Variants in SNCG observed in about 807,000 individuals in gnomAD.
SNCG encodes the protein gamma-synuclein.
A neutral mutation model predicts 16.0 loss-of-function variants in SNCG; 13 were observed. That is an observed-to-expected ratio of 0.81 (90% CI 0.53 to 1.29). The LOEUF (loss-of-function observed/expected upper bound fraction) is 1.29, where lower values mean the gene tolerates loss of function less well. Among genes scored for constraint, SNCG ranks in the 50% most tolerant of loss-of-function variants. The probability of loss-of-function intolerance (pLI) is 0.00; values close to 1 mark genes in which losing one functional copy is unlikely to be tolerated. For missense variants in SNCG, 154 were observed against 168.5 expected, an observed-to-expected ratio of 0.91 and a Z score of 0.48; for synonymous variants, 66 against 66.3, an observed-to-expected ratio of 1.00 and a Z score of 0.02.
chr10:86,962,462 C>T, intron 3 of SNCG, 142 bp from the exon 4 acceptor site: 1 of 592,588 alleles, frequency 1.7e-6, no homozygotes, highest in Non-Finnish European at 3.1e-6. Flanking sequence ...GCCCCCAATA[C>T]CTCCAGCCCC....
intron 4 of SNCG, 53 bp from the exon 5 acceptor site, chr10:86,962,912 G>C: frequency 6.4e-7 from 1 of 1,573,762 alleles, no homozygotes; most frequent in South Asian, 1.2e-5. Flanking sequence ...ACTCAGGGTG[G>C]CCCATTAAGG....
At chr10:86,960,968 CCT>C (rs1223223430) in intron 3 of SNCG, among the ~76,000 whole-genome samples, 5 of 152,198 alleles carry the variant, frequency 3.3e-5, no homozygotes, top group Non-Finnish European at 5.9e-5. Context: ...TTGGAATTCC[CCT>C]GAGCAGCCTG....
chr10:86,955,897 C>A (rs899738153), upstream of SNCG, among the ~76,000 whole-genome samples: 1 of 152,148 alleles, frequency 6.6e-6, no homozygotes, highest in African/African-American at 2.4e-5. Context: ...AGAAGGACTG[C>A]GGGGCCCCTG....
At chr10:86,956,999 C>T (rs548324443), upstream of SNCG, among the ~76,000 whole-genome samples, 2 of 152,190 alleles carry the variant, frequency 1.3e-5, no homozygotes, top group East Asian at 3.8e-4. Context: ...AATCTCAGGG[C>T]AGCCTTGCTG....
chr10:86,957,661 G>A (rs1175180339), upstream of SNCG: 2 of 1,406,410 alleles, frequency 1.4e-6, no homozygotes, highest in African/African-American at 2.9e-5. Flanking sequence ...ACAACAAAGA[G>A]AGGAAGTGGC....
At chr10:86,960,187 C>G (rs573978168) in intron 3 of SNCG, 59 bp downstream of exon 3, 9 of 1,529,172 alleles carry the variant, frequency 5.9e-6, no homozygotes, top group Non-Finnish European at 6.2e-6. Context: ...GGCTGCTGGG[C>G]GGAGGCGGCA....
chr10:86,958,502 CCCT>C, upstream of SNCG: 1 of 504,822 alleles, frequency 2.0e-6, no homozygotes, highest in Non-Finnish European at 3.1e-6. Flanking sequence ...CTCCTTCCCT[CCCT>C]CCCTCCCTCC....
chr10:86,963,092 G>A lies in SNCG; in HGVS notation c.*107G>A, dbSNP rs1183653384. On this transcript the variant is annotated 3_prime_UTR_variant, in exon 5 of 5. Transcript: ENST00000372017. The stretch of plus-strand genomic sequence containing the variant: ...CCTTGAGTGACATGCGGCTGCCCAC[G>A]CTCCTGCCCTCGTCTCCCTGGCCAC... 27 of 1,189,546 alleles carry A rather than the reference G, an allele frequency of 2.3e-5. No individual in the cohort carries two copies. The highest frequency in any genetic ancestry group is 3.1e-5 in the African/African-American group (2 of 65,254). 73.7% of individuals were successfully genotyped at this position (1,189,546 alleles called of 1,614,324 possible).
upstream of SNCG, among the ~76,000 whole-genome samples, chr10:86,957,156 A>G (rs1044223556): frequency 6.6e-6 from 1 of 152,172 alleles, no homozygotes; most frequent in Admixed American, 6.5e-5. Context: ...CCCAAGCCCC[A>G]TTCCCTGCCA....
At chr10:86,958,039 A>G (rs1001473450), upstream of SNCG, 26 of 985,312 alleles carry the variant, frequency 2.6e-5, no homozygotes, top group African/African-American at 3.8e-4. Flanking sequence ...GCATGCAGCC[A>G]GAGGCCAAGG....
upstream of SNCG, chr10:86,957,355 T>A: frequency 6.2e-7 from 1 of 1,611,666 alleles, no homozygotes; most frequent in Non-Finnish European, 8.5e-7. Context: ...CCATGACCTC[T>A]GCCAAGGTCC....
At chr10:86,961,661 T>C (rs996603881) in intron 3 of SNCG, among the ~76,000 whole-genome samples, 8 of 152,062 alleles carry the variant, frequency 5.3e-5, no homozygotes. Flanking sequence ...CAGTGAACTG[T>C]GAAAGGCCTC....
rs74150417 is a variant in SNCG at position 86,958,727 on chromosome 10, C to A, written c.30C>A (p.Ile10=). 4,301 of 1,614,044 alleles carry A rather than the reference C, an allele frequency of 2.7e-3. 82 individuals carry two copies. In the African/African-American group the frequency reaches 0.049, roughly 18 times the overall value. ...ATGTCTTCAAGAAGGGCTTCTCCATCGCCAAGGAGGGCGTGGTGGGTGCGG... is the reference window on the plus strand; with the variant it reads ...ATGTCTTCAAGAAGGGCTTCTCCATAGCCAAGGAGGGCGTGGTGGGTGCGG... MDVFKKGFS[I]AKEGVVGAVE... is the part of the protein sequence containing the mutation. The change falls in exon 1 of 5, where the codon ATC becomes ATA. Residue 10 remains isoleucine (I), a synonymous_variant. Coordinates refer to ENST00000372017, the MANE Select transcript of SNCG (RefSeq NM_003087.3).
Position 86,963,100 on chromosome 10 carries a change from C to G in SNCG, c.*115C>G. Reference sequence around the variant, plus strand: ...GACATGCGGCTGCCCACGCTCCTGCCCTCGTCTCCCTGGCCACCCTTGGCC... The same window carrying G: ...GACATGCGGCTGCCCACGCTCCTGCGCTCGTCTCCCTGGCCACCCTTGGCC... On this transcript the variant is annotated 3_prime_UTR_variant, in exon 5 of 5. Transcript: ENST00000372017. The G allele has an allele frequency of 9.1e-7, 1 of 1,097,340 alleles. No individual in the cohort carries two copies. Among genetic ancestry groups the G allele is most frequent in the Non-Finnish European group, 1.3e-6 (1 of 774,504 alleles). 68.0% of individuals were successfully genotyped at this position (1,097,340 alleles called of 1,614,324 possible).
chr10:86,957,790 G>A, upstream of SNCG: 4 of 1,307,046 alleles, frequency 3.1e-6, no homozygotes. Context: ...AGGGACTCTG[G>A]GAATGTGGTA....
chr10:86,958,522 C>T (rs1254760252), upstream of SNCG: 1 of 1,299,914 alleles, frequency 7.7e-7, no homozygotes, highest in Non-Finnish European at 9.9e-7. Context: ...CTCCCCGCCC[C>T]CACTGCACGC....
At chr10:86,962,241 AG>A (rs147430075) in intron 3 of SNCG, among the ~76,000 whole-genome samples, 26,983 of 152,194 alleles carry the variant, frequency 0.18, 2,900 homozygotes, top group South Asian at 0.26. Flanking sequence ...AGGGCTACTG[AG>A]GGTGGGGTCA....
upstream of SNCG, chr10:86,958,543 G>C: frequency 5.1e-6 from 7 of 1,366,210 alleles, no homozygotes; most frequent in Non-Finnish European, 5.7e-6. Context: ...AGGGCTGGCT[G>C]GGCTCCAGCT....
chr10:86,955,827 G>T (rs1053167635), upstream of SNCG, among the ~76,000 whole-genome samples: 28 of 152,106 alleles, frequency 1.8e-4, no homozygotes, highest in African/African-American at 4.8e-4. Flanking sequence ...GGGCTTCCAG[G>T]CTTGGGACAC....
Sources: gnomAD v4.1 joint callset for allele counts (sites outside exome capture counted in the v4.1 genomes callset) on GRCh38, gnomAD v4.1.1 for gene constraint, MANE v1.5 for transcripts, NCBI Gene and HGNC (gene_info 2026-07-23, HGNC 2026-07-21) for gene names.